The following CELF5 variants were observed in gnomAD, a reference collection of about 807,000 sequenced individuals.
CELF5 encodes CUGBP Elav-like family member 5.
In CELF5, 6 loss-of-function variants were observed where a neutral mutation model predicts 54.9. The ratio of observed to expected loss-of-function variants is 0.11; its 90% CI spans 0.06 to 0.22. CELF5 has a LOEUF of 0.22. Among genes scored for constraint, CELF5 ranks in the 10% least tolerant of loss-of-function variants. CELF5 has a pLI of 1.00. For synonymous variants in CELF5, 271 were observed against 290.9 expected, an observed-to-expected ratio of 0.93 and a Z score of 0.70; for missense variants, 401 against 678.6, an observed-to-expected ratio of 0.59 and a Z score of 4.54.
At chr19:3,284,992 G>GGGCCCT in intron 9 of CELF5, 28 bp downstream of exon 9, 2 of 1,508,290 alleles carry the variant, frequency 1.3e-6, no homozygotes, top group Non-Finnish European at 1.8e-6. Flanking sequence ...TGCCCGCGCT[G>GGGCCCT]GGCCCTGGCC....
chr19:3,251,147 G>C, intron 2 of CELF5, 80 bp downstream of exon 2: 1 of 1,030,872 alleles, frequency 9.7e-7, no homozygotes. Context: ...CTCTTCCTGA[G>C]ATTGGCTGTG....
intron 2 of CELF5, 114 bp downstream of exon 2, chr19:3,251,181 GAA>G: frequency 1.3e-6 from 1 of 762,484 alleles, no homozygotes; most frequent in Non-Finnish European, 2.2e-6. Context: ...TCGGGACTCA[GAA>G]AGAGGTATGA....
rs561226391 is a variant in CELF5, at chr19:3,275,580, C to A, written c.395-276C>A. Among the ~76,000 whole-genome samples, 272 of 152,336 alleles carry A rather than the reference C, an allele frequency of 1.8e-3. 1 individual carries two copies. Among genetic ancestry groups the A allele is most frequent in the Middle Eastern group, 6.8e-3 (2 of 294 alleles). ...TGGAGGGGGAGCAGTGGAGCAGAGA[C>A]CCCAAAAGACTGCAGGGAGGGCATT... is the stretch of plus-strand genomic sequence containing the variant. On this transcript the variant is annotated intron_variant, in intron 3 of 12. Coordinates refer to ENST00000292672, the MANE Select transcript of CELF5 (RefSeq NM_021938.4). The surrounding 1 kb of genome is among the most constrained non-coding windows in gnomAD (Gnocchi z 6.7).
rs1916795762 is a variant in CELF5, at chr19:3,224,854, A to C, written c.115A>C (p.Met39Leu). 1 of 1,602,788 alleles carries C rather than the reference A, an allele frequency of 6.2e-7. No homozygotes were observed. ...PEPPGGQPDG[M>L]KDLDAIKLFV... ...GCCCCCCGGGGGGCAGCCCGACGGC[A>C]TGAAGGACCTGGACGCCATCAAACT... is the stretch of plus-strand genomic sequence containing the variant. Residue 39 changes from methionine to leucine, a missense_variant, in exon 1 of 13, where the codon ATG becomes CTG. Around this residue, in one of 6 missense-constraint regions of CELF5, gnomAD observed 66 missense variants for 132.3 expected, o/e 0.50. Transcript: ENST00000292672.
chr19:3,275,654 G>C lies in CELF5; in HGVS notation c.395-202G>C, dbSNP rs2080035985. ...AAAGGCCGGGAGATGGGAGCGTGCAGGGCCCGTGGGAGGGTGGAGAGATCC... is the reference window on the plus strand; with the variant it reads ...AAAGGCCGGGAGATGGGAGCGTGCACGGCCCGTGGGAGGGTGGAGAGATCC... On this transcript the variant is annotated intron_variant, in intron 3 of 12. Transcript: ENST00000292672. The surrounding 1 kb of genome is among the most constrained non-coding windows in gnomAD (Gnocchi z 6.7). Among the ~76,000 whole-genome samples, 1 of 151,760 alleles carries C rather than the reference G, an allele frequency of 6.6e-6. No homozygotes were observed. Among genetic ancestry groups the C allele is most frequent in the South Asian group, 2.1e-4 (1 of 4,820 alleles).
chr19:3,247,810 G>A (rs776203531), intron 1 of CELF5, among the ~76,000 whole-genome samples: 1 of 152,042 alleles, frequency 6.6e-6, no homozygotes, highest in Non-Finnish European at 1.5e-5. Flanking sequence ...TGCCCAGGCT[G>A]GAGTGCAGTG....
intron 10 of CELF5, chr19:3,286,293 T>C (rs1458085674): frequency 2.4e-6 from 1 of 416,452 alleles, no homozygotes; most frequent in Non-Finnish European, 4.2e-6. Flanking sequence ...GAACCAAGAG[T>C]GATTCTCTGG....
chr19:3,290,969 CT>C (rs1352597294), intron 11 of CELF5, among the ~76,000 whole-genome samples: 1 of 151,206 alleles, frequency 6.6e-6, no homozygotes, highest in African/African-American at 2.4e-5. Flanking sequence ...AAAAGACAAC[CT>C]TTTTAATTAG....
Position 3,268,245 on chromosome 19 carries a change from C to T in CELF5, c.343-5627C>T, listed in dbSNP as rs1452200622. ...AACTCCTGACCTCAGGTGATCCGCC[C>T]GCCTCAGCCTCCCAAAGTGCTAAAG... On this transcript the variant is annotated intron_variant, in intron 2 of 12. Coordinates refer to ENST00000292672, the MANE Select transcript of CELF5 (RefSeq NM_021938.4). The surrounding 1 kb of genome is among the most constrained non-coding windows in gnomAD (Gnocchi z 4.4). 2.0e-5 allele frequency among the ~76,000 whole-genome samples: 3 copies of T among 151,946 alleles called. No homozygotes were observed. Among genetic ancestry groups the T allele is most frequent in the East Asian group, 3.9e-4 (2 of 5,176 alleles).
At chr19:3,274,276 G>T (rs1251693448) in intron 3 of CELF5, among the ~76,000 whole-genome samples, 1 of 152,216 alleles carries the variant, frequency 6.6e-6, no homozygotes, top group Non-Finnish European at 1.5e-5. Context: ...AAGGGCTGTG[G>T]ATTGCTCTCT....
chr19:3,284,643 G>C, intron 8 of CELF5: 1 of 533,226 alleles, frequency 1.9e-6, no homozygotes, highest in Non-Finnish European at 3.4e-6. Context: ...TAGGGAGAGG[G>C]AGATGGGGAC....
chr19:3,235,870 G>A lies in CELF5; in HGVS notation c.259+10872G>A, dbSNP rs1917577409. On this transcript the variant is annotated intron_variant, in intron 1 of 12. Transcript: ENST00000292672. Reference sequence around the variant, plus strand: ...AATGGATGGATGGATGAATAGGTGGGAGGATGGTTGATTGGATGATGGACA... The same window carrying A: ...AATGGATGGATGGATGAATAGGTGGAAGGATGGTTGATTGGATGATGGACA... Among the ~76,000 whole-genome samples the A allele has an allele frequency of 2.7e-5, 4 of 150,698 alleles. No individual in the cohort carries two copies. In the South Asian group the frequency reaches 8.5e-4, roughly 32 times the overall value.
chr19:3,296,403 G>A (rs866973691), intron 12 of CELF5: 3 of 136,604 alleles, frequency 2.2e-5, no homozygotes, highest in East Asian at 2.1e-4. Context: ...CTGACCCGGA[G>A]GGGGGGCGGT....
intron 2 of CELF5, among the ~76,000 whole-genome samples, chr19:3,270,250 A>T (rs1415339073): frequency 6.6e-6 from 1 of 152,076 alleles, no homozygotes; most frequent in Non-Finnish European, 1.5e-5. Context: ...GGGCCCCAGA[A>T]CCAGAGAGTC....
At chr19:3,284,180 C>CGTGT (rs760701712) in intron 8 of CELF5, among the ~76,000 whole-genome samples, 1 of 150,706 alleles carries the variant, frequency 6.6e-6, no homozygotes, top group African/African-American at 2.4e-5. Context: ...ACTCTGTGCA[C>CGTGT]GTGTGTGTGT....
At chr19:3,264,937 A>T (rs1211619744) in intron 2 of CELF5, among the ~76,000 whole-genome samples, 1 of 150,832 alleles carries the variant, frequency 6.6e-6, no homozygotes, top group Non-Finnish European at 1.5e-5. Flanking sequence ...TTGGTCTCAA[A>T]CTCTGACCTC....
rs1160050810 is a variant in CELF5, at chr19:3,276,876, G to T, written c.523+892G>T. ...GGGGCGTGGCTTGTGATGGGGCGGG[G>T]TCTGGGGAGGGGCGGGGCTTCTCCA... is the stretch of plus-strand genomic sequence containing the variant. On this transcript the variant is annotated intron_variant, in intron 4 of 12. Transcript: ENST00000292672. Among the ~76,000 whole-genome samples the T allele has an allele frequency of 3.7e-5, 3 of 81,444 alleles. No individual in the cohort carries two copies. In the Admixed American group the frequency reaches 4.2e-4, roughly 12 times the overall value. 53.4% of individuals were successfully genotyped at this position (81,444 alleles called of 152,430 possible).
chr19:3,254,377 T>C (rs2079690650), intron 2 of CELF5, among the ~76,000 whole-genome samples: 1 of 151,838 alleles, frequency 6.6e-6, no homozygotes, highest in Non-Finnish European at 1.5e-5. Context: ...CATCTACTCA[T>C]CCACCTACCC....
At chr19:3,226,083 G>A (rs1016023456) in intron 1 of CELF5, among the ~76,000 whole-genome samples, 4 of 151,598 alleles carry the variant, frequency 2.6e-5, no homozygotes, top group African/African-American at 9.7e-5. Flanking sequence ...TCAGGTGTTG[G>A]GGACTGGGGG....
Sources: gnomAD v4.1 joint callset for allele counts (sites outside exome capture counted in the v4.1 genomes callset) on GRCh38, gnomAD v4.1.1 for gene constraint, gnomAD v4.1.1 regional missense constraint, Gnocchi (gnomAD v3.1) non-coding constraint, MANE v1.5 for transcripts, NCBI Gene and HGNC (gene_info 2026-07-23, HGNC 2026-07-21) for gene names.